Variants in CRB1 observed in about 807,000 individuals in gnomAD.
The protein encoded by CRB1 is crumbs cell polarity complex component 1.
A neutral mutation model predicts 120.0 loss-of-function variants in CRB1; 83 were observed. The ratio of observed to expected loss-of-function variants is 0.69; its 90% CI spans 0.58 to 0.83. The LOEUF is 0.83. CRB1 is among the 40% of genes least tolerant of loss of function. The pLI is 0.00. For synonymous variants in CRB1, 625 were observed against 612.5 expected, an observed-to-expected ratio of 1.02 and a Z score of -0.30; for missense variants, 1,699 against 1,687.6, an observed-to-expected ratio of 1.01 and a Z score of -0.12.
intron 5 of CRB1, among the ~76,000 whole-genome samples, chr1:197,390,579 G>A (rs1036004569): frequency 2.6e-5 from 4 of 152,038 alleles, no homozygotes; most frequent in African/African-American, 9.7e-5. Context: ...ATACAGAATA[G>A]AAAGTGAGGC....
chr1:197,374,269 C>T (rs572783463), intron 5 of CRB1, among the ~76,000 whole-genome samples: 1 of 152,056 alleles, frequency 6.6e-6, no homozygotes, highest in Non-Finnish European at 1.5e-5. Context: ...CATACTATCC[C>T]CCAGTTGGGA....
chr1:197,312,163 C>T (rs1657569944), intron 1 of CRB1, among the ~76,000 whole-genome samples: 1 of 151,994 alleles, frequency 6.6e-6, no homozygotes, highest in African/African-American at 2.4e-5. Flanking sequence ...ACAAATAAAC[C>T]TTAGCAAGGA....
chr1:197,271,780 A>G lies in CRB1; in HGVS notation c.70+3298A>G, dbSNP rs552658505. Among the ~76,000 whole-genome samples the G allele has an allele frequency of 2.6e-5, 4 of 152,170 alleles. No homozygotes were observed. In the South Asian group the frequency reaches 8.3e-4, roughly 32 times the overall value. ...TCTGAAGGGTTTTAAAGAAACAACC[A>G]TACCATGAATTAGAAAAGTAATGTC... On this transcript the variant is annotated intron_variant, in intron 1 of 11. Transcript: ENST00000367400.
intron 11 of CRB1, among the ~76,000 whole-genome samples, chr1:197,455,606 A>G (rs1318786262): frequency 6.6e-6 from 1 of 152,162 alleles, no homozygotes; most frequent in Non-Finnish European, 1.5e-5. Flanking sequence ...TCTTGTGAGA[A>G]CAAATTGAAT....
intron 5 of CRB1, among the ~76,000 whole-genome samples, chr1:197,367,487 C>T (rs544066935): frequency 9.9e-4 from 151 of 152,284 alleles, no homozygotes; most frequent in African/African-American, 3.5e-3. Flanking sequence ...TACAAATCAA[C>T]GTTACTACTG....
intron 5 of CRB1, among the ~76,000 whole-genome samples, chr1:197,402,112 A>T (rs1663095152): frequency 6.6e-6 from 1 of 152,164 alleles, no homozygotes; most frequent in Non-Finnish European, 1.5e-5. Flanking sequence ...AACTCGTGTC[A>T]CAGGAGTTTG....
intron 5 of CRB1, 91 bp from the exon 6 acceptor site, chr1:197,420,909 C>A: frequency 2.3e-6 from 2 of 876,778 alleles, no homozygotes; most frequent in East Asian, 4.8e-5. Context: ...GCTATTCATG[C>A]ACTTCTGCAA....
the CRB1 span, among the ~76,000 whole-genome samples, chr1:197,235,476 T>C: frequency 6.6e-6 from 1 of 152,194 alleles, no homozygotes; most frequent in Admixed American, 6.5e-5. Context: ...GTGATTACCA[T>C]GTGATAAAGT....
chr1:197,410,658 C>T (rs1663661608), intron 5 of CRB1, among the ~76,000 whole-genome samples: 1 of 152,132 alleles, frequency 6.6e-6, no homozygotes, highest in South Asian at 2.1e-4. Flanking sequence ...ATGAAAATGT[C>T]AACTCTTATA....
chr1:197,272,891 G>A (rs912123438), intron 1 of CRB1, among the ~76,000 whole-genome samples: 1 of 152,112 alleles, frequency 6.6e-6, no homozygotes, highest in Non-Finnish European at 1.5e-5. Context: ...CTAATTGCAT[G>A]CAAATTTATA....
intron 1 of CRB1, among the ~76,000 whole-genome samples, chr1:197,310,375 G>A (rs1657444598): frequency 6.6e-6 from 1 of 152,084 alleles, no homozygotes; most frequent in Non-Finnish European, 1.5e-5. Context: ...AGAATGTTGT[G>A]GCACCTAAAT....
chr1:197,433,272 T>G (rs1490040516), intron 8 of CRB1, among the ~76,000 whole-genome samples: 1 of 152,066 alleles, frequency 6.6e-6, no homozygotes, highest in African/African-American at 2.4e-5. Context: ...AAGGAGTGGT[T>G]GTTATATTGA....
chr1:197,331,011 T>A (rs866637777), intron 2 of CRB1, among the ~76,000 whole-genome samples: 3 of 151,978 alleles, frequency 2.0e-5, no homozygotes, highest in Admixed American at 6.6e-5. Flanking sequence ...TGAAATCCCG[T>A]CTCTACTAAA....
chr1:197,285,643 G>A (rs1343786575), intron 1 of CRB1, among the ~76,000 whole-genome samples: 1 of 151,810 alleles, frequency 6.6e-6, no homozygotes, highest in Non-Finnish European at 1.5e-5. Flanking sequence ...AACTCTTCTT[G>A]AGGCATCGCA....
chr1:197,452,698 G>A (rs927164224), intron 11 of CRB1, among the ~76,000 whole-genome samples: 1 of 152,172 alleles, frequency 6.6e-6, no homozygotes, highest in Non-Finnish European at 1.5e-5. Context: ...TTACTTCCAA[G>A]CCACAGGTCT....
chr1:197,252,570 A>ATGTGTG, the CRB1 span, among the ~76,000 whole-genome samples: 13 of 48,638 alleles, frequency 2.7e-4, no homozygotes, highest in African/African-American at 3.7e-4. Flanking sequence ...ATATATATAT[A>ATGTGTG]TATATATATA....
At chr1:197,374,958 A>G (rs563299780) in intron 5 of CRB1, among the ~76,000 whole-genome samples, 6 of 152,090 alleles carry the variant, frequency 3.9e-5, no homozygotes, top group South Asian at 4.2e-4. Context: ...TTTAATCCCA[A>G]TCTGATTGAT....
intron 5 of CRB1, among the ~76,000 whole-genome samples, chr1:197,368,520 A>C (rs1472990668): frequency 6.6e-6 from 1 of 152,234 alleles, no homozygotes; most frequent in Non-Finnish European, 1.5e-5. Context: ...AATTTAAAAA[A>C]TGATTTTTGT....
intron 5 of CRB1, among the ~76,000 whole-genome samples, chr1:197,369,957 C>A (rs528613636): frequency 6.6e-6 from 1 of 152,082 alleles, no homozygotes; most frequent in Non-Finnish European, 1.5e-5. Context: ...TTTGACTAGT[C>A]CCAAAGGTAA....
Sources: gnomAD v4.1 joint callset for allele counts (sites outside exome capture counted in the v4.1 genomes callset) on GRCh38, gnomAD v4.1.1 for gene constraint, MANE v1.5 for transcripts, NCBI Gene and HGNC (gene_info 2026-07-23, HGNC 2026-07-21) for gene names.